Variants in SHE observed in about 807,000 individuals in gnomAD.
SHE encodes the protein SH2 domain-containing adapter protein E.
SHE carries 11 observed loss-of-function variants against 49.8 expected under a neutral mutation model. The ratio of observed to expected loss-of-function variants is 0.22; its 90% CI spans 0.14 to 0.37. SHE has a LOEUF of 0.37. Ranked by LOEUF, SHE falls within the 10% of genes least tolerant of loss-of-function variation. The pLI, the probability that SHE is intolerant of heterozygous loss-of-function variation, is 1.00. For synonymous variants in SHE, 310 were observed against 278.1 expected (o/e 1.11, Z -1.14); for missense variants, 624 against 655.5 (o/e 0.95, Z 0.52).
chr1:154,502,357 G>A lies in SHE; in HGVS notation c.-331C>T, dbSNP rs928414630. The A allele has an allele frequency of 2.4e-5, 4 of 164,674 alleles. No homozygotes were observed. The highest frequency in any genetic ancestry group is 2.6e-5 in the Non-Finnish European group (2 of 76,318). 10.2% of individuals were successfully genotyped at this position (164,674 alleles called of 1,614,324 possible). ...CCCTGCGGCCCAGCCCACGCTCCCA[G>A]GGACCAGAGAGGACCGAGCGGAGGC... On this transcript the variant is annotated 5_prime_UTR_variant, in exon 1 of 6. Transcript: ENST00000304760.
intron 5 of SHE, chr1:154,484,597 C>G (rs1383532608): frequency 5.4e-6 from 2 of 369,756 alleles, no homozygotes; most frequent in Non-Finnish European, 9.8e-6. Context: ...AAAAGAATGC[C>G]AAGTCCCTTC....
At chr1:154,471,799 C>T (rs1691753124) in intron 1 of SHE, among the ~76,000 whole-genome samples, 1 of 151,830 alleles carries the variant, frequency 6.6e-6, no homozygotes, top group Admixed American at 6.6e-5. Flanking sequence ...ATAAAGCTGC[C>T]CAATGTCCTG....
At chr1:154,470,190 G>A (rs1478493633) in exon 2 of SHE, 1 of 565,656 alleles carries the variant, frequency 1.8e-6, no homozygotes, top group Non-Finnish European at 2.9e-6. Context: ...AGTGACACAG[G>A]GACCAGATGT....
chr1:154,495,734 TAA>T (rs11341057), intron 2 of SHE, among the ~76,000 whole-genome samples: 4 of 149,744 alleles, frequency 2.7e-5, no homozygotes, highest in South Asian at 2.1e-4. Context: ...TAGTACATAA[TAA>T]AAAAAAAAAC....
At position 154,501,954 on chromosome 1, in the gene SHE, G is replaced by A. The variant is rs1692790282; in HGVS notation, c.73C>T (p.Pro25Ser). ...CGGCCGGCTCGGCCCAGGAGCGTCG[G>A]GGCCGTGGAGCAGGCGAGCGAGGAA... ...WASSLACSTA[P>S]TLLGRAGRGP... Residue 25 changes from proline (P) to serine (S), a missense_variant, in exon 1 of 6, where the codon CCG becomes TCG. Transcript: ENST00000304760. 23 of 1,441,050 alleles carry A rather than the reference G, an allele frequency of 1.6e-5. No individual in the cohort carries two copies. Among genetic ancestry groups the A allele is most frequent in the Non-Finnish European group, 1.9e-5 (21 of 1,107,708 alleles). 89.3% of individuals were successfully genotyped at this position (1,441,050 alleles called of 1,614,324 possible).
At chr1:154,495,344 A>G (rs1308101328) in intron 2 of SHE, among the ~76,000 whole-genome samples, 1 of 152,240 alleles carries the variant, frequency 6.6e-6, no homozygotes, top group Non-Finnish European at 1.5e-5. Flanking sequence ...TTTAGCAGAA[A>G]AGCAACAGAG....
In SHE at chr1:154,501,909, T is replaced by C; in HGVS notation, c.118A>G (p.Lys40Glu). Residue 40 changes from lysine (K) to glutamate (E), a missense_variant, in exon 1 of 6, where the codon AAG (lysine) becomes GAG (glutamate). Lys to Glu is a moderately conservative substitution (Grantham distance 56). Around this residue, in one of 4 missense-constraint regions of SHE, gnomAD observed 337 missense variants for 306.0 expected, o/e 1.10. Coordinates refer to ENST00000304760, the MANE Select transcript of SHE (RefSeq NM_001010846.3). ...TTCAGGGGGAACTCCTTGAACCACT[T>C]GGCCGCCATGAGGGGGCCCCGGCCG... ...RAGRGPLMAA[K>E]WFKEFPLNLK... The C allele has an allele frequency of 6.6e-7, 1 of 1,506,084 alleles. No homozygotes were observed. The highest frequency in any genetic ancestry group is 8.8e-7 in the Non-Finnish European group (1 of 1,136,068). The allele number at this position is 1,506,084 out of a possible 1,614,324, so 93.3% of individuals were successfully genotyped here. A position where few individuals can be genotyped will look rare whatever the true frequency, so the allele number is the denominator to read the frequency against.
chr1:154,502,065 C>T lies in SHE; in HGVS notation c.-39G>A, dbSNP rs995958884. The stretch of plus-strand genomic sequence containing the variant: ...GGCGCTGGAGGCCGCGGCGAGGCCC[C>T]GCGACGGCTGCTCCGTGCGCCCCCG... On this transcript the variant is annotated 5_prime_UTR_variant, in exon 1 of 6. Transcript: ENST00000304760. The T allele has an allele frequency of 5.6e-6, 7 of 1,255,450 alleles. No homozygotes were observed. In the African/African-American group the frequency reaches 9.3e-5, roughly 17 times the overall value. 77.8% of individuals were successfully genotyped at this position (1,255,450 alleles called of 1,614,324 possible). A position where few individuals can be genotyped will look rare whatever the true frequency, so the allele number is the denominator to read the frequency against.
chr1:154,501,848 C>A lies in SHE; in HGVS notation c.179G>T (p.Gly60Val). ...KTVSERAKPG[G>V]GGGKLRKNSE... is the part of the protein sequence containing the mutation. Reference sequence around the variant, plus strand: ...GTTCTTGCGCAATTTGCCGCCGCCGCCCCCGGGCTTGGCCCGCTCCGACAC... The same window carrying A: ...GTTCTTGCGCAATTTGCCGCCGCCGACCCCGGGCTTGGCCCGCTCCGACAC... Residue 60 changes from glycine (G) to valine (V), a missense_variant, in exon 1 of 6, where the codon GGC (glycine) becomes GTC (valine). This residue lies in a region of SHE where 337 missense variants were observed against 306.0 expected (regional missense o/e 1.10). Transcript: ENST00000304760. 1 of 1,540,094 alleles carries A rather than the reference C, an allele frequency of 6.5e-7. No homozygotes were observed. The highest frequency in any genetic ancestry group is 8.7e-7 in the Non-Finnish European group (1 of 1,149,898).
At chr1:154,475,542 C>CT (rs1196144514), downstream of SHE, among the ~76,000 whole-genome samples, 3 of 152,136 alleles carry the variant, frequency 2.0e-5, no homozygotes, top group Non-Finnish European at 4.4e-5. Context: ...CGGATTTGCT[C>CT]TTTTTTCTTG....
Position 154,482,991 on chromosome 1 carries a change from GA to G in SHE, c.*1157del, listed in dbSNP as rs1412554326. On this transcript the variant is annotated 3_prime_UTR_variant, in exon 6 of 6. Transcript: ENST00000304760. The stretch of plus-strand genomic sequence containing the variant: ...AGCAACTAAAATGCCCAATGATGAT[GA>G]AACAAAAGACATCGAAGTTCTATGT... 5 of 984,686 alleles carry G rather than the reference GA, an allele frequency of 5.1e-6. No homozygotes were observed. The African/African-American group carries it at 8.7e-5, about 17-fold the overall frequency. The allele number at this position is 984,686 out of a possible 1,614,324, so 61.0% of individuals were successfully genotyped here.
chr1:154,495,300 T>C (rs1230975222), intron 2 of SHE, among the ~76,000 whole-genome samples: 2 of 152,228 alleles, frequency 1.3e-5, no homozygotes, highest in Non-Finnish European at 2.9e-5. Context: ...CTAAATATCT[T>C]AGCTAGAATA....
Position 154,486,022 on chromosome 1 carries a change from G to A in SHE, c.1222C>T (p.Arg408Ter). ...CCAGCTTCTTTGCAGGGCTGTAGTC[G>A]ACTCTCAGCCTCAGCACGGCTGATG... ...GAISRAEAESRLQPCKEAGYL... is the reference protein window; with the variant it reads ...GAISRAEAES The change falls in exon 5 of 6, where the codon CGA becomes TGA. Residue 408 changes from arginine (R) to a stop codon, truncating the protein, a stop_gained. Coordinates refer to ENST00000304760, the MANE Select transcript of SHE (RefSeq NM_001010846.3). LOFTEE classifies it high-confidence loss of function. 1.2e-6 allele frequency: 2 copies of A among 1,614,000 alleles called. No individual in the cohort carries two copies.
intron 1 of SHE, among the ~76,000 whole-genome samples, chr1:154,473,323 C>A (rs1691796486): frequency 6.6e-6 from 1 of 151,622 alleles, no homozygotes; most frequent in East Asian, 2.0e-4. Context: ...TTTAAAAAAC[C>A]AATTAACCGA....
Position 154,470,177 on chromosome 1 carries a change from G to C in SHE, c.*164C>G, listed in dbSNP as rs1263298610. 1.0e-5 allele frequency: 5 copies of C among 498,408 alleles called. No homozygotes were observed. In the East Asian group the frequency reaches 2.8e-4, roughly 28 times the overall value. 30.9% of individuals were successfully genotyped at this position (498,408 alleles called of 1,614,324 possible). A position where few individuals can be genotyped will look rare whatever the true frequency, so the allele number is the denominator to read the frequency against. On this transcript the variant is annotated 3_prime_UTR_variant, in exon 2 of 2. Coordinates refer to the SHE transcript ENST00000486773. ...CTTTGAGGCTGGTCCTTGTCTTGCA[G>C]AAAGTGACACAGGGACCAGATGTCA...
In SHE at chr1:154,502,143, G is replaced by A. The variant is rs1692805615; in HGVS notation, c.-117C>T. Reference sequence around the variant, plus strand: ...TGGGGTTCTCACGGCTCGGGGCGCCGAGCGGGCGGGCGCTAGCCTCTGCTC... The same window carrying A: ...TGGGGTTCTCACGGCTCGGGGCGCCAAGCGGGCGGGCGCTAGCCTCTGCTC... On this transcript the variant is annotated 5_prime_UTR_variant, in exon 1 of 6. Coordinates refer to ENST00000304760, the MANE Select transcript of SHE (RefSeq NM_001010846.3). The A allele has an allele frequency of 1.2e-5, 10 of 827,698 alleles. No homozygotes were observed. In the African/African-American group the frequency reaches 1.8e-4, roughly 15 times the overall value. 51.3% of individuals were successfully genotyped at this position (827,698 alleles called of 1,614,324 possible). A position where few individuals can be genotyped will look rare whatever the true frequency, so the allele number is the denominator to read the frequency against.
chr1:154,485,891 C>A, intron 5 of SHE, 52 bp downstream of exon 5: 1 of 1,592,124 alleles, frequency 6.3e-7, no homozygotes, highest in Non-Finnish European at 8.6e-7. Flanking sequence ...AGAAGACTGT[C>A]ACACAGTGTT....
chr1:154,471,741 T>C (rs957846538), intron 1 of SHE, among the ~76,000 whole-genome samples: 1 of 152,148 alleles, frequency 6.6e-6, no homozygotes, highest in Non-Finnish European at 1.5e-5. Context: ...TATAGGTGTA[T>C]GCATTATTAA....
At position 154,479,874 on chromosome 1, in the gene SHE, G is replaced by A. The variant is rs1691973431; in HGVS notation, c.*4275C>T. The A allele has an allele frequency of 6.1e-6, 6 of 985,402 alleles. No individual in the cohort carries two copies. Among genetic ancestry groups the A allele is most frequent in the Non-Finnish European group, 7.2e-6 (6 of 829,918 alleles). 61.0% of individuals were successfully genotyped at this position (985,402 alleles called of 1,614,324 possible). ...TAGACTTCAAAACACCCTTTCCGCA[G>A]GAAAGGGCATTTTTCAAGATGGCAA... On this transcript the variant is annotated 3_prime_UTR_variant, in exon 6 of 6. Coordinates refer to ENST00000304760, the MANE Select transcript of SHE (RefSeq NM_001010846.3).
Sources: gnomAD v4.1 joint callset for allele counts (sites outside exome capture counted in the v4.1 genomes callset) on GRCh38, gnomAD v4.1.1 for gene constraint, gnomAD v4.1.1 regional missense constraint, MANE v1.5 for transcripts, NCBI Gene and HGNC (gene_info 2026-07-23, HGNC 2026-07-21) for gene names.